Variants in C12orf42 observed in about 807,000 individuals in gnomAD.
C12orf42 encodes the protein uncharacterized protein C12orf42.
In C12orf42, 25 loss-of-function variants were observed where a neutral mutation model predicts 21.6. That is an observed-to-expected ratio of 1.16 (90% CI 0.84 to 1.62). C12orf42 has a LOEUF of 1.62. Ranked by LOEUF, C12orf42 falls within the 40% of genes most tolerant of loss-of-function variation. The pLI, the probability that C12orf42 is intolerant of heterozygous loss-of-function variation, is 0.00. For synonymous variants in C12orf42, 174 were observed against 175.0 expected, an observed-to-expected ratio of 0.99 and a Z score of 0.05; for missense variants, 483 against 459.3, an observed-to-expected ratio of 1.05 and a Z score of -0.47.
At chr12:103,289,738 A>C (rs955756931) in intron 4 of C12orf42, among the ~76,000 whole-genome samples, 7 of 152,200 alleles carry the variant, frequency 4.6e-5, no homozygotes, top group Admixed American at 2.6e-4. Flanking sequence ...CTTATGGAAC[A>C]ATGTGTGTAG....
the C12orf42 span, among the ~76,000 whole-genome samples, chr12:103,551,102 C>T: frequency 2.0e-5 from 3 of 152,066 alleles, no homozygotes; most frequent in African/African-American, 7.2e-5. Flanking sequence ...GTTATAGCTT[C>T]ACTTTTTCCT....
At chr12:103,103,542 C>A in the C12orf42 span, among the ~76,000 whole-genome samples, 1 of 152,204 alleles carries the variant, frequency 6.6e-6, no homozygotes, top group Admixed American at 6.5e-5. Context: ...AAATGTACCA[C>A]TATCTGTTAG....
chr12:103,450,703 G>GT (rs1951881539), intron 2 of C12orf42, among the ~76,000 whole-genome samples: 2 of 152,010 alleles, frequency 1.3e-5, no homozygotes, highest in South Asian at 4.1e-4. Flanking sequence ...GTTCTTCATG[G>GT]TTTTTTGCTC....
chr12:103,555,910 G>C, the C12orf42 span, among the ~76,000 whole-genome samples: 1 of 151,522 alleles, frequency 6.6e-6, no homozygotes, highest in Admixed American at 6.6e-5. Context: ...CTTCTCACCT[G>C]TCCTGTGTGC....
chr12:103,524,827 C>A, the C12orf42 span, among the ~76,000 whole-genome samples: 1 of 152,128 alleles, frequency 6.6e-6, no homozygotes, highest in African/African-American at 2.4e-5. Context: ...TGTGATATCA[C>A]AGTGACAAGA....
At chr12:103,478,781 G>T (rs985147164) in intron 1 of C12orf42, among the ~76,000 whole-genome samples, 4 of 152,098 alleles carry the variant, frequency 2.6e-5, no homozygotes, top group Non-Finnish European at 5.9e-5. Flanking sequence ...TTGGTTGGGG[G>T]AAGTGGGGGT....
chr12:103,097,898 C>T, the C12orf42 span, among the ~76,000 whole-genome samples: 3 of 152,182 alleles, frequency 2.0e-5, no homozygotes, highest in Non-Finnish European at 2.9e-5. Context: ...CTCTGTGACA[C>T]GCTGTGGGGA....
At chr12:103,082,210 T>C in the C12orf42 span, among the ~76,000 whole-genome samples, 1 of 152,250 alleles carries the variant, frequency 6.6e-6, no homozygotes, top group South Asian at 2.1e-4. Flanking sequence ...CAATGGCACA[T>C]GCTAATGTGT....
chr12:103,365,858 T>C (rs2044551999), intron 4 of C12orf42, among the ~76,000 whole-genome samples: 2 of 152,100 alleles, frequency 1.3e-5, no homozygotes, highest in South Asian at 4.1e-4. Context: ...CATCCCATGT[T>C]CACAGATGGG....
chr12:103,438,967 A>G (rs1381148903), intron 2 of C12orf42, among the ~76,000 whole-genome samples: 2 of 152,222 alleles, frequency 1.3e-5, no homozygotes, highest in African/African-American at 4.8e-5. Flanking sequence ...ATAAGGCAAA[A>G]GAACAAAGCT....
At chr12:103,407,054 C>A (rs2138821400) in intron 2 of C12orf42, among the ~76,000 whole-genome samples, 1 of 152,148 alleles carries the variant, frequency 6.6e-6, no homozygotes, top group Admixed American at 6.5e-5. Context: ...GATGAAAAAT[C>A]TGAAGCCCAG....
chr12:103,182,606 G>A, the C12orf42 span, among the ~76,000 whole-genome samples: 6 of 151,950 alleles, frequency 3.9e-5, no homozygotes, highest in South Asian at 1.0e-3. Context: ...TAACCACTAG[G>A]GGTTTTACTA....
At chr12:103,451,038 C>T (rs2137481894) in intron 2 of C12orf42, among the ~76,000 whole-genome samples, 1 of 152,142 alleles carries the variant, frequency 6.6e-6, no homozygotes, top group East Asian at 1.9e-4. Context: ...CCCTCTTCCT[C>T]TCTCTATATC....
chr12:103,388,356 C>T (rs1342553577), intron 3 of C12orf42, among the ~76,000 whole-genome samples: 1 of 152,118 alleles, frequency 6.6e-6, no homozygotes, highest in Non-Finnish European at 1.5e-5. Flanking sequence ...GGGCCTGGCT[C>T]CTATAGCATT....
At chr12:103,285,031 G>A (rs1331919889) in intron 4 of C12orf42, among the ~76,000 whole-genome samples, 1 of 152,158 alleles carries the variant, frequency 6.6e-6, no homozygotes, top group Non-Finnish European at 1.5e-5. Flanking sequence ...CTCAAAGCAA[G>A]TAGTCCTCAT....
At chr12:103,306,655 C>A (rs2038365625) in intron 4 of C12orf42, among the ~76,000 whole-genome samples, 1 of 152,132 alleles carries the variant, frequency 6.6e-6, no homozygotes, top group South Asian at 2.1e-4. Context: ...TATTATCTGT[C>A]TTGCACAGGT....
chr12:103,356,194 C>T (rs1035430316), intron 4 of C12orf42, among the ~76,000 whole-genome samples: 8 of 152,096 alleles, frequency 5.3e-5, no homozygotes, highest in African/African-American at 1.7e-4. Flanking sequence ...TGCCTCCTCC[C>T]TTCTCTTGAT....
chr12:103,545,380 T>TA, the C12orf42 span, among the ~76,000 whole-genome samples: 1 of 152,040 alleles, frequency 6.6e-6, no homozygotes, highest in Non-Finnish European at 1.5e-5. Context: ...GAAATAAATA[T>TA]AAAAAACATT....
At chr12:103,208,781 T>G in the C12orf42 span, among the ~76,000 whole-genome samples, 1 of 152,222 alleles carries the variant, frequency 6.6e-6, no homozygotes, top group Non-Finnish European at 1.5e-5. Flanking sequence ...ATTTTTGTTA[T>G]TTTTGCTCAG....
Sources: allele counts gnomAD v4.1 joint callset (sites outside exome capture counted in the v4.1 genomes callset), GRCh38; gene constraint gnomAD v4.1.1; transcripts MANE v1.5; gene names NCBI Gene and HGNC (gene_info 2026-07-23, HGNC 2026-07-21).